SLC23A1: variants seen among roughly 807,000 people sequenced by gnomAD.
SLC23A1 encodes the protein Na(+)/L-ascorbic acid transporter 1.
SLC23A1 carries 31 observed loss-of-function variants against 62.5 expected under a neutral mutation model. That is an observed-to-expected ratio of 0.50 (90% CI 0.37 to 0.67). The LOEUF is 0.67. Ranked by LOEUF, SLC23A1 falls within the 30% of genes least tolerant of loss-of-function variation. The pLI, the probability that SLC23A1 is intolerant of heterozygous loss-of-function variation, is 0.00. For synonymous variants in SLC23A1, 271 were observed against 313.2 expected, an observed-to-expected ratio of 0.87 and a Z score of 1.42; for missense variants, 640 against 782.7, an observed-to-expected ratio of 0.82 and a Z score of 2.18.
At chr5:139,384,892 T>C (rs572739699), upstream of SLC23A1, among the ~76,000 whole-genome samples, 169 of 152,318 alleles carry the variant, frequency 1.1e-3, 1 homozygote, top group African/African-American at 3.6e-3. Flanking sequence ...GTTTCTCTCC[T>C]GAGTGAAGGC....
rs376774679 is a variant in SLC23A1, at chr5:139,372,231, C to T, written c.1572G>A (p.Leu524=). 1.6e-4 allele frequency: 254 copies of T among 1,613,758 alleles called. No individual in the cohort carries two copies. Among genetic ancestry groups the T allele is most frequent in the Non-Finnish European group, 2.0e-4 (239 of 1,179,842 alleles). The change falls in exon 14 of 15, where the codon CTG becomes CTA. Residue 524 remains leucine (L), a synonymous_variant. Coordinates refer to ENST00000348729, the MANE Select transcript of SLC23A1 (RefSeq NM_005847.5). The part of the protein sequence containing the change: ...TVPGSPEERG[L]IQWKAGAHAN... ...CATGAGCCCCAGCTTTCCACTGTAT[C>T]AGACCACGCTCCTCTGGGCTCCCTG...
chr5:139,378,337 G>C lies in SLC23A1; in HGVS notation c.1194C>G (p.Arg398=), dbSNP rs186323715. The C allele has an allele frequency of 1.3e-6, 2 of 1,566,272 alleles. No individual in the cohort carries two copies. Among genetic ancestry groups the C allele is most frequent in the South Asian group, 2.3e-5 (2 of 85,606 alleles). ...TGATAGCCGCACCATACTGCACCAC[G>C]CGCCGGCTGCCCACCTGCCGGGGAG... ...VLGITKVGSR[R]VVQYGAAIML... The change falls in exon 11 of 15, where the codon CGC becomes CGG. Residue 398 remains arginine (R), a synonymous_variant. Transcript: ENST00000348729. This position sits in a 1 kb window ranked among gnomAD's most constrained non-coding sequence, Gnocchi z 4.5.
At position 139,378,734 on chromosome 5, in the gene SLC23A1, G is replaced by A; in HGVS notation, c.1074-50C>T. The A allele has an allele frequency of 7.3e-7, 1 of 1,363,244 alleles. No individual in the cohort carries two copies. Among genetic ancestry groups the A allele is most frequent in the Non-Finnish European group, 1.0e-6 (1 of 972,408 alleles). 84.4% of individuals were successfully genotyped at this position (1,363,244 alleles called of 1,614,324 possible). ...CTTGGTCCAGCCTCTGCACCAGTCT[G>A]TGTTCCCCCATCATCTTAGCAAGCT... On this transcript the variant is annotated intron_variant, in intron 9 of 14. Coordinates refer to ENST00000348729, the MANE Select transcript of SLC23A1 (RefSeq NM_005847.5). This position sits in a 1 kb window ranked among gnomAD's most constrained non-coding sequence, Gnocchi z 4.5.
Position 139,382,040 on chromosome 5 carries a change from T to C in SLC23A1, c.160A>G (p.Thr54Ala). The C allele has an allele frequency of 6.2e-7, 1 of 1,608,918 alleles. No individual in the cohort carries two copies. The highest frequency in any genetic ancestry group is 8.5e-7 in the Non-Finnish European group (1 of 1,177,624). Residue 54 changes from threonine to alanine, a missense_variant, in exon 3 of 15, where the codon ACA (threonine) becomes GCA (alanine). Thr to Ala is a moderately conservative substitution (Grantham distance 58, BLOSUM62 0). Transcript: ENST00000348729. ...ACGGCGATGGTACCACTGAAGCATGTCAGGTAGTGCTGGGCAGAGGGAGAC... is the reference window on the plus strand; with the variant it reads ...ACGGCGATGGTACCACTGAAGCATGCCAGGTAGTGCTGGGCAGAGGGAGAC... ...CILLGFQHYL[T>A]CFSGTIAVPF... is the part of the protein sequence containing the mutation.
chr5:139,379,610 G>T lies in SLC23A1; in HGVS notation c.925+68C>A. On this transcript the variant is annotated intron_variant, in intron 8 of 14. Transcript: ENST00000348729. The surrounding 1 kb of genome is among the most constrained non-coding windows in gnomAD (Gnocchi z 4.7). ...CTAGGTGTGTCACCTGCTGGATTGG[G>T]GTCACCAGGAGTCTGTCTCATAGGT... The T allele has an allele frequency of 1.4e-6, 2 of 1,439,680 alleles. No individual in the cohort carries two copies. The highest frequency in any genetic ancestry group is 1.9e-6 in the Non-Finnish European group (2 of 1,040,496). 89.2% of individuals were successfully genotyped at this position (1,439,680 alleles called of 1,614,324 possible).
intron 14 of SLC23A1, among the ~76,000 whole-genome samples, chr5:139,368,380 T>G (rs1757428547): frequency 6.6e-6 from 1 of 151,302 alleles, no homozygotes; most frequent in African/African-American, 2.4e-5. Context: ...ATACAAAAAA[T>G]TAGTTGGGTG....
chr5:139,367,925 C>T (rs1036731407), intron 14 of SLC23A1, among the ~76,000 whole-genome samples: 16 of 152,174 alleles, frequency 1.1e-4, no homozygotes, highest in African/African-American at 3.4e-4. Context: ...TAATTTAGGC[C>T]GGGTGCAGTG....
rs151090514 is a variant in SLC23A1, at chr5:139,380,368, A to G, written c.487T>C (p.Ser163Pro). ...CCAATCACCACCTCCACCACGCTGG[A>G]CACCATGATTGCACCCTGGACCTGG... ...IREVQGAIMV[S>P]SVVEVVIGLL... is the part of the protein sequence containing the mutation. Residue 163 changes from serine (S) to proline (P), a missense_variant, in exon 6 of 15, where the codon TCC (serine) becomes CCC (proline). Physicochemically the swap from Ser to Pro is moderately conservative, Grantham distance 74 (BLOSUM62 -1). Transcript: ENST00000348729. The G allele has an allele frequency of 6.4e-5, 103 of 1,613,184 alleles. No homozygotes were observed. Among genetic ancestry groups the G allele is most frequent in the Non-Finnish European group, 8.4e-5 (99 of 1,179,740 alleles).
In SLC23A1 at chr5:139,379,456, C is replaced by T; in HGVS notation, c.926-102G>A. 2 of 1,246,504 alleles carry T rather than the reference C, an allele frequency of 1.6e-6. No homozygotes were observed. The highest frequency in any genetic ancestry group is 2.5e-5 in the South Asian group (2 of 80,122). The allele number at this position is 1,246,504 out of a possible 1,614,324, so 77.2% of individuals were successfully genotyped here. On this transcript the variant is annotated intron_variant, in intron 8 of 14. Transcript: ENST00000348729. The surrounding 1 kb of genome is among the most constrained non-coding windows in gnomAD (Gnocchi z 4.7). ...AAGGAGCAAGAGCAGATCAGGAGAC[C>T]TCAGGCTGGGATGGGAGCTATACAG...
At chr5:139,383,401 C>T (rs1007734407), upstream of SLC23A1, 62 of 1,448,848 alleles carry the variant, frequency 4.3e-5, 1 homozygote, top group Middle Eastern at 1.9e-3. Context: ...AAGGGGGGCC[C>T]GGGCAGAGGT....
chr5:139,375,750 G>A (rs185800560), intron 13 of SLC23A1, among the ~76,000 whole-genome samples: 4 of 151,778 alleles, frequency 2.6e-5, no homozygotes, highest in East Asian at 3.9e-4. Flanking sequence ...CAAGAGAATC[G>A]GTTGAGCTCA....
chr5:139,374,944 T>C (rs781446071), intron 13 of SLC23A1, among the ~76,000 whole-genome samples: 21 of 151,930 alleles, frequency 1.4e-4, no homozygotes, highest in Non-Finnish European at 2.6e-4. Context: ...TGGGCAGGGG[T>C]ACCATGTTCA....
In SLC23A1 at chr5:139,372,597, A is replaced by AT. The variant is rs1157023772; in HGVS notation, c.1550-345dup. ...TTATTTTATTTTATTTTATTTATTT[A>AT]TTTTTTTGAGACAGTCTCGCTCTGT... On this transcript the variant is annotated intron_variant, in intron 13 of 14. Coordinates refer to ENST00000348729, the MANE Select transcript of SLC23A1 (RefSeq NM_005847.5). 2.0e-5 allele frequency among the ~76,000 whole-genome samples: 3 copies of AT among 151,892 alleles called. No individual in the cohort carries two copies. The East Asian group carries it at 5.8e-4, about 29-fold the overall frequency.
In SLC23A1 at chr5:139,371,875, C is replaced by A. The variant is rs949631937; in HGVS notation, c.*19+112G>T. On this transcript the variant is annotated intron_variant, in intron 14 of 14. Coordinates refer to ENST00000348729, the MANE Select transcript of SLC23A1 (RefSeq NM_005847.5). ...ACCCAGCTCACCTTCTCTTTGAGGA[C>A]ATTCAAACAGTTTACAAGAAAGAGA... The A allele has an allele frequency of 6.1e-6, 5 of 818,332 alleles. No homozygotes were observed. In the East Asian group the frequency reaches 1.2e-4, roughly 20 times the overall value. The allele number at this position is 818,332 out of a possible 1,614,324, so 50.7% of individuals were successfully genotyped here.
chr5:139,384,550 G>A, upstream of SLC23A1: 1 of 1,288,782 alleles, frequency 7.8e-7, no homozygotes, highest in Non-Finnish European at 1.0e-6. Flanking sequence ...TGCTGGACCA[G>A]TTTGAAGCCT....
Position 139,378,368 on chromosome 5 carries a change from G to C in SLC23A1, c.1180-17C>G. The C allele has an allele frequency of 6.4e-7, 1 of 1,553,540 alleles. No individual in the cohort carries two copies. The highest frequency in any genetic ancestry group is 8.7e-7 in the Non-Finnish European group (1 of 1,149,086). On this transcript the variant is annotated splice_polypyrimidine_tract_variant and intron_variant, in intron 10 of 14. Transcript: ENST00000348729. This position sits in a 1 kb window ranked among gnomAD's most constrained non-coding sequence, Gnocchi z 4.5. ...GCTGCCCACCTGCCGGGGAGCCAGC[G>C]GGGAAGCTAGACCTGGGGACGAGGC... is the stretch of plus-strand genomic sequence containing the variant.
Position 139,381,970 on chromosome 5 carries a change from T to A in SLC23A1, c.230A>T (p.His77Leu), listed in dbSNP as rs777154762. The A allele has an allele frequency of 6.3e-7, 1 of 1,598,206 alleles. No homozygotes were observed. The highest frequency in any genetic ancestry group is 1.1e-5 in the South Asian group (1 of 88,264). Residue 77 changes from histidine (H) to leucine (L), a missense_variant, in exon 3 of 15, where the codon CAC (histidine) becomes CTC (leucine). By Grantham distance (99) the His-to-Leu change is moderately conservative. Coordinates refer to ENST00000348729, the MANE Select transcript of SLC23A1 (RefSeq NM_005847.5). ...GGTGCCGATGAGCTGACTAACCATG[T>A]GCTGGTCGTGGCCCACACACAGCGC... ...AEALCVGHDQ[H>L]MVSQLIGTIF...
rs758082980 is a variant in SLC23A1, at chr5:139,378,156, G to A, written c.1310-38C>T. On this transcript the variant is annotated intron_variant, in intron 11 of 14. Coordinates refer to ENST00000348729, the MANE Select transcript of SLC23A1 (RefSeq NM_005847.5). The surrounding 1 kb of genome is among the most constrained non-coding windows in gnomAD (Gnocchi z 4.5). ...GAGAACGGCTGGAGGCGCCGCACACGCGTAATCCAGGTGAGTCCCACTCGG... is the reference window on the plus strand; with the variant it reads ...GAGAACGGCTGGAGGCGCCGCACACACGTAATCCAGGTGAGTCCCACTCGG... 1 of 1,613,722 alleles carries A rather than the reference G, an allele frequency of 6.2e-7. No homozygotes were observed. The highest frequency in any genetic ancestry group is 8.5e-7 in the Non-Finnish European group (1 of 1,179,866).
In SLC23A1 at chr5:139,369,493, C is replaced by T. The variant is rs1757517289; in HGVS notation, c.*20-1862G>A. The T allele has an allele frequency of 3.5e-3, 3 of 864 alleles. 1 individual carries two copies. In the Admixed American group the frequency reaches 0.14, roughly 39 times the overall value. 0.1% of individuals were successfully genotyped at this position (864 alleles called of 1,614,324 possible). A position where few individuals can be genotyped will look rare whatever the true frequency, so the allele number is the denominator to read the frequency against. On this transcript the variant is annotated intron_variant, in intron 14 of 14. Transcript: ENST00000348729. ...CCCATAATCCAGCTGAACAAAGATA[C>T]TGTAACATGATTTGAGTGGTGCTTT... is the stretch of plus-strand genomic sequence containing the variant.
Sources: gnomAD v4.1 joint callset for allele counts (sites outside exome capture counted in the v4.1 genomes callset) on GRCh38, gnomAD v4.1.1 for gene constraint, Gnocchi (gnomAD v3.1) non-coding constraint, MANE v1.5 for transcripts, NCBI Gene and HGNC (gene_info 2026-07-23, HGNC 2026-07-21) for gene names.